The following ESRRG variants were observed in gnomAD, a reference collection of about 807,000 sequenced individuals.
ESRRG encodes the protein estrogen-related receptor gamma.
ESRRG carries 13 observed loss-of-function variants against 44.0 expected under a neutral mutation model. That is an observed-to-expected ratio of 0.30 (90% CI 0.19 to 0.47). The LOEUF (loss-of-function observed/expected upper bound fraction) is 0.47, where lower values mean the gene tolerates loss of function less well. Among genes scored for constraint, ESRRG ranks in the 20% least tolerant of loss-of-function variants. The probability of loss-of-function intolerance (pLI) is 1.00; values close to 1 mark genes in which losing one functional copy is unlikely to be tolerated. For missense variants in ESRRG, 395 were observed against 580.6 expected, an observed-to-expected ratio of 0.68 and a Z score of 3.29; for synonymous variants, 215 against 214.6, an observed-to-expected ratio of 1.00 and a Z score of -0.02.
chr1:216,702,877 C>A (rs1186058416), intron 1 of ESRRG, among the ~76,000 whole-genome samples: 1 of 151,494 alleles, frequency 6.6e-6, no homozygotes, highest in Non-Finnish European at 1.5e-5. Flanking sequence ...CTAGTCCTGT[C>A]CATATTCGAT....
At chr1:216,825,406 A>T (rs2095373118) in intron 2 of ESRRG, among the ~76,000 whole-genome samples, 1 of 152,208 alleles carries the variant, frequency 6.6e-6, no homozygotes, top group African/African-American at 2.4e-5. Context: ...GGTTGTTGTA[A>T]GTGTCCGCTG....
intron 2 of ESRRG, among the ~76,000 whole-genome samples, chr1:216,782,167 G>T (rs1391421280): frequency 1.3e-5 from 2 of 151,984 alleles, no homozygotes; most frequent in Non-Finnish European, 2.9e-5. Context: ...AATTACAAAG[G>T]CCTTGGCTTT....
chr1:217,077,090 T>C (rs897714485), intron 1 of ESRRG, among the ~76,000 whole-genome samples: 1 of 152,226 alleles, frequency 6.6e-6, no homozygotes. Context: ...TCATGTCTGG[T>C]TGCCTCTGCT....
At chr1:217,084,330 T>C (rs535156839) in intron 1 of ESRRG, among the ~76,000 whole-genome samples, 4 of 152,326 alleles carry the variant, frequency 2.6e-5, no homozygotes, top group Non-Finnish European at 5.9e-5. Context: ...ATACAAATGT[T>C]AGTTATTCTT....
chr1:216,965,536 G>C (rs1431553555), intron 1 of ESRRG, among the ~76,000 whole-genome samples: 1 of 152,128 alleles, frequency 6.6e-6, no homozygotes, highest in East Asian at 1.9e-4. Context: ...ATGGCCGAGG[G>C]GACATGCCCA....
chr1:216,879,539 C>A (rs1577581493), intron 2 of ESRRG, among the ~76,000 whole-genome samples: 2 of 146,730 alleles, frequency 1.4e-5, no homozygotes, highest in Admixed American at 6.8e-5. Context: ...AAAAAAGATA[C>A]CAGCTGCCAC....
intron 2 of ESRRG, among the ~76,000 whole-genome samples, chr1:216,754,893 GC>G (rs2092350113): frequency 6.6e-6 from 1 of 151,734 alleles, no homozygotes; most frequent in South Asian, 2.1e-4. Flanking sequence ...GATGGGGAAT[GC>G]ATCCATCCAT....
At chr1:216,841,024 A>G (rs1398963574) in intron 2 of ESRRG, among the ~76,000 whole-genome samples, 1 of 152,150 alleles carries the variant, frequency 6.6e-6, no homozygotes, top group East Asian at 1.9e-4. Flanking sequence ...GGTTTGCTGG[A>G]CAAAGGGCTG....
chr1:217,044,177 TGTA>T (rs1449703506), intron 1 of ESRRG, among the ~76,000 whole-genome samples: 3 of 152,170 alleles, frequency 2.0e-5, no homozygotes, highest in African/African-American at 7.2e-5. Context: ...CTCCATAGGA[TGTA>T]CAATAGATCA....
At chr1:216,811,037 T>C (rs1438936200) in intron 2 of ESRRG, among the ~76,000 whole-genome samples, 1 of 151,810 alleles carries the variant, frequency 6.6e-6, no homozygotes, top group African/African-American at 2.4e-5. Context: ...GAGGCAAAAA[T>C]AAATTTCAGA....
chr1:216,591,308 T>C (rs2057626592), intron 3 of ESRRG, among the ~76,000 whole-genome samples: 1 of 152,182 alleles, frequency 6.6e-6, no homozygotes. Context: ...TCGAAGAGCT[T>C]CTAGGCTGGT....
At chr1:217,001,109 G>T (rs899747128) in intron 1 of ESRRG, among the ~76,000 whole-genome samples, 1 of 152,218 alleles carries the variant, frequency 6.6e-6, no homozygotes, top group Admixed American at 6.5e-5. Context: ...GAAAAAATTT[G>T]TCTAATGTCT....
chr1:216,683,438 G>C (rs989143094), intron 1 of ESRRG, among the ~76,000 whole-genome samples: 1 of 152,118 alleles, frequency 6.6e-6, no homozygotes, highest in African/African-American at 2.4e-5. Flanking sequence ...TTGATTCTTT[G>C]AACAAATAAC....
intron 2 of ESRRG, among the ~76,000 whole-genome samples, chr1:216,787,603 A>G (rs2094174908): frequency 8.1e-6 from 1 of 122,916 alleles, no homozygotes; most frequent in African/African-American, 3.9e-5. Flanking sequence ...CTCCATCAAA[A>G]AAAAAAAAAA....
intron 2 of ESRRG, among the ~76,000 whole-genome samples, chr1:216,734,169 C>A (rs190766817): frequency 1.3e-5 from 2 of 152,166 alleles, no homozygotes; most frequent in East Asian, 3.9e-4. Flanking sequence ...ATTGAGTAAA[C>A]TTCTTGATGG....
intron 2 of ESRRG, among the ~76,000 whole-genome samples, chr1:216,763,383 G>T (rs1425743168): frequency 6.6e-6 from 1 of 152,082 alleles, no homozygotes; most frequent in Non-Finnish European, 1.5e-5. Flanking sequence ...CTCAACGGCA[G>T]TAGTTATACT....
At chr1:216,729,126 A>G (rs1166418016) in intron 2 of ESRRG, among the ~76,000 whole-genome samples, 1 of 152,206 alleles carries the variant, frequency 6.6e-6, no homozygotes, top group Non-Finnish European at 1.5e-5. Flanking sequence ...AATGGGAATA[A>G]CAATAACAAT....
intron 3 of ESRRG, among the ~76,000 whole-genome samples, chr1:216,571,277 T>C (rs1002875060): frequency 6.6e-6 from 1 of 152,156 alleles, no homozygotes; most frequent in African/African-American, 2.4e-5. Flanking sequence ...AACCCATCTC[T>C]ACTAAAAATA....
intron 1 of ESRRG, among the ~76,000 whole-genome samples, chr1:217,029,325 C>T (rs1158323291): frequency 4.6e-5 from 7 of 151,632 alleles, no homozygotes; most frequent in Non-Finnish European, 1.5e-5. Flanking sequence ...TTTTTTTATA[C>T]TCACTAGCTC....
Sources: allele counts gnomAD v4.1 joint callset (sites outside exome capture counted in the v4.1 genomes callset), GRCh38; gene constraint gnomAD v4.1.1; transcripts MANE v1.5; gene names NCBI Gene and HGNC (gene_info 2026-07-23, HGNC 2026-07-21).